The following ZNF341 variants were observed in gnomAD, a reference collection of about 807,000 sequenced individuals.
ZNF341 encodes zinc finger protein 341.
In ZNF341, 52 loss-of-function variants were observed where a neutral mutation model predicts 87.7. That is an observed-to-expected ratio of 0.59 (90% confidence interval 0.47 to 0.75). The LOEUF is 0.75. Ranked by LOEUF, ZNF341 falls within the 30% of genes least tolerant of loss-of-function variation. The pLI, the probability that ZNF341 is intolerant of heterozygous loss-of-function variation, is 0.00. For missense variants in ZNF341, 977 were observed against 1,145.9 expected (o/e 0.85, Z 2.13); for synonymous variants, 459 against 472.7 (o/e 0.97, Z 0.38).
intron 8 of ZNF341, among the ~76,000 whole-genome samples, chr20:33,764,561 ATTTT>A (rs1164096634): frequency 3.5e-5 from 1 of 28,408 alleles, no homozygotes; most frequent in African/African-American, 1.1e-4. Context: ...ATATATATAT[ATTTT>A]TTTTTTTTTT....
At chr20:33,787,731 C>G (rs2019898085) in intron 12 of ZNF341, 1 of 152,252 alleles carries the variant, frequency 6.6e-6, no homozygotes, top group Non-Finnish European at 1.5e-5. Flanking sequence ...AGGGGTAGCC[C>G]CTGAGCCAGT....
chr20:33,738,029 C>T (rs1483252594), intron 1 of ZNF341, among the ~76,000 whole-genome samples: 6 of 151,296 alleles, frequency 4.0e-5, no homozygotes, highest in Non-Finnish European at 7.4e-5. Flanking sequence ...CCCAGCTACT[C>T]GGGAGGCTGA....
intron 5 of ZNF341, among the ~76,000 whole-genome samples, chr20:33,756,185 T>C (rs2019173439): frequency 6.6e-6 from 1 of 151,866 alleles, no homozygotes; most frequent in South Asian, 2.1e-4. Context: ...ATCACATCAT[T>C]GCATTCCAGC....
At position 33,791,114 on chromosome 20, in the gene ZNF341, C is replaced by G; in HGVS notation, c.2162C>G (p.Ser721Cys). Residue 721 changes from serine (S) to cysteine (C), a missense_variant, in exon 15 of 15, where the codon TCC (serine) becomes TGC (cysteine). Physicochemically the swap from Ser to Cys is moderately radical, Grantham distance 112. Around this residue, in one of 3 missense-constraint regions of ZNF341, gnomAD observed 221 missense variants for 212.7 expected, o/e 1.04. Coordinates refer to ENST00000375200, the MANE Select transcript of ZNF341 (RefSeq NM_001282933.2). ...FRCAGCAKGF[S>C]RHKYLKDHRC... is the part of the protein sequence containing the mutation. ...TGTGCTGGCTGCGCCAAGGGCTTTTCCCGCCACAAATACCTCAAAGATCAC... is the reference window on the plus strand; with the variant it reads ...TGTGCTGGCTGCGCCAAGGGCTTTTGCCGCCACAAATACCTCAAAGATCAC... The G allele has an allele frequency of 6.2e-7, 1 of 1,613,300 alleles. No individual in the cohort carries two copies. Among genetic ancestry groups the G allele is most frequent in the Non-Finnish European group, 8.5e-7 (1 of 1,180,020 alleles).
intron 14 of ZNF341, among the ~76,000 whole-genome samples, chr20:33,790,126 CA>C (rs1175522854): frequency 6.7e-6 from 1 of 149,810 alleles, no homozygotes; most frequent in Non-Finnish European, 1.5e-5. Context: ...AGGTGGAGTG[CA>C]GTGGTGTGAT....
At chr20:33,777,151 C>CA (rs58139073) in intron 10 of ZNF341, among the ~76,000 whole-genome samples, 8,837 of 42,500 alleles carry the variant, frequency 0.21, 618 homozygotes, top group Admixed American at 0.24. Flanking sequence ...CCGTCTTTAC[C>CA]AAAAAAAAAA....
At chr20:33,734,014 G>A (rs2122619003) in intron 1 of ZNF341, among the ~76,000 whole-genome samples, 1 of 152,304 alleles carries the variant, frequency 6.6e-6, no homozygotes, top group East Asian at 1.9e-4. Context: ...AGGCTGTTTG[G>A]ACTTCCTCAT....
intron 10 of ZNF341, among the ~76,000 whole-genome samples, chr20:33,779,642 G>C (rs1042351041): frequency 6.6e-6 from 1 of 152,030 alleles, no homozygotes; most frequent in Non-Finnish European, 1.5e-5. Context: ...GTAGAGACAG[G>C]GTTTCACCGT....
intron 2 of ZNF341, among the ~76,000 whole-genome samples, chr20:33,742,159 A>G (rs1255535645): frequency 1.3e-5 from 2 of 152,148 alleles, no homozygotes; most frequent in Non-Finnish European, 2.9e-5. Flanking sequence ...TCCAGCCAAC[A>G]TGAAGGGAAG....
intron 9 of ZNF341, among the ~76,000 whole-genome samples, 192 bp downstream of exon 9, chr20:33,767,233 A>G (rs994459760): frequency 2.0e-5 from 3 of 152,010 alleles, no homozygotes; most frequent in African/African-American, 7.3e-5. Flanking sequence ...ATCACAGAAA[A>G]CTTTGACTCT....
chr20:33,761,736 T>C (rs1462724672), intron 7 of ZNF341, 126 bp from the exon 8 acceptor site: 2 of 777,560 alleles, frequency 2.6e-6, no homozygotes, highest in East Asian at 5.7e-5. Flanking sequence ...CTTGTCGCCG[T>C]GGTGTCAGAA....
Position 33,766,876 on chromosome 20 carries a change from G to A in ZNF341, c.1248G>A (p.Ala416=), listed in dbSNP as rs146423849. 102 of 1,612,320 alleles carry A rather than the reference G, an allele frequency of 6.3e-5. No homozygotes were observed. Among genetic ancestry groups the A allele is most frequent in the Non-Finnish European group, 7.9e-5 (93 of 1,179,132 alleles). ...GGTTGGGCCAGCCCCTGCCGGGTGC[G>A]CCACAGCCCCAGGCCTTGTCCACAG... ...STGLGQPLPG[A]PQPQALSTAG... is the part of the protein sequence containing the mutation. The change falls in exon 9 of 15, where the codon GCG becomes GCA. Residue 416 remains alanine (A), a synonymous_variant. Transcript: ENST00000375200.
At position 33,732,070 on chromosome 20, in the gene ZNF341, C is replaced by A. The variant is rs1168161710; in HGVS notation, c.31+18C>A. On this transcript the variant is annotated intron_variant, in intron 1 of 14. Transcript: ENST00000375200. This position sits in a 1 kb window ranked among gnomAD's most constrained non-coding sequence, Gnocchi z 4.5. Reference sequence around the variant, plus strand: ...CCTGGAGGGTGAGCGGCGGCGGGGCCGGCGGAGGCGGCTGTTCCGCGCTGC... The same window carrying A: ...CCTGGAGGGTGAGCGGCGGCGGGGCAGGCGGAGGCGGCTGTTCCGCGCTGC... 7.9e-7 allele frequency: 1 copy of A among 1,261,096 alleles called. No individual in the cohort carries two copies. The highest frequency in any genetic ancestry group is 3.2e-5 in the East Asian group (1 of 31,328). 78.1% of individuals were successfully genotyped at this position (1,261,096 alleles called of 1,614,324 possible). A position where few individuals can be genotyped will look rare whatever the true frequency, so the allele number is the denominator to read the frequency against.
At chr20:33,770,916 G>A (rs1340532230) in intron 10 of ZNF341, among the ~76,000 whole-genome samples, 3 of 152,044 alleles carry the variant, frequency 2.0e-5, no homozygotes, top group Admixed American at 6.6e-5. Flanking sequence ...GTCAGGAGAT[G>A]GAGACCATCC....
chr20:33,766,437 C>T (rs980282623), intron 8 of ZNF341, among the ~76,000 whole-genome samples: 2 of 151,296 alleles, frequency 1.3e-5, no homozygotes, highest in African/African-American at 4.9e-5. Flanking sequence ...TCAAGTGATC[C>T]GTCCGCCTTG....
chr20:33,774,185 C>T (rs994567949), intron 10 of ZNF341, among the ~76,000 whole-genome samples: 4 of 151,148 alleles, frequency 2.6e-5, no homozygotes, highest in South Asian at 2.1e-4. Context: ...CCAGCCACTC[C>T]GGAGCCTGAG....
chr20:33,749,663 C>T (rs930736969), intron 4 of ZNF341, among the ~76,000 whole-genome samples: 6 of 152,014 alleles, frequency 3.9e-5, no homozygotes, highest in Non-Finnish European at 8.8e-5. Context: ...AACTCCTGAC[C>T]TCAGGTGATC....
chr20:33,781,299 A>G lies in ZNF341; in HGVS notation c.1631A>G (p.Lys544Arg). 1 of 1,613,888 alleles carries G rather than the reference A, an allele frequency of 6.2e-7. No individual in the cohort carries two copies. Among genetic ancestry groups the G allele is most frequent in the South Asian group, 1.1e-5 (1 of 91,068 alleles). The change falls in exon 11 of 15, where the codon AAA (lysine) becomes AGA (arginine). Residue 544 changes from lysine (K) to arginine (R), a missense_variant. Around this residue, in one of 3 missense-constraint regions of ZNF341, gnomAD observed 241 missense variants for 335.0 expected, o/e 0.72. Transcript: ENST00000375200. ...CTGCTCCTTCCACTTAGGTGTGTCA[A>G]ATGTGTCAACAAATACTCCACCCCT... Reference protein sequence around the residue: ...KKDNAVYKCVKCVNKYSTPEA... With the variant: ...KKDNAVYKCVRCVNKYSTPEA...
intron 1 of ZNF341, among the ~76,000 whole-genome samples, chr20:33,739,738 A>C (rs944809187): frequency 6.6e-6 from 1 of 152,190 alleles, no homozygotes; most frequent in Admixed American, 6.5e-5. Flanking sequence ...CATGAGTAAG[A>C]CAGGCCCCAC....
Sources: allele counts gnomAD v4.1 joint callset (sites outside exome capture counted in the v4.1 genomes callset), GRCh38; gene constraint gnomAD v4.1.1; regional missense constraint gnomAD v4.1.1; non-coding constraint Gnocchi (gnomAD v3.1); transcripts MANE v1.5; gene names NCBI Gene and HGNC (gene_info 2026-07-23, HGNC 2026-07-21).